Variants in RABGEF1 observed in about 807,000 individuals in gnomAD.
RABGEF1 encodes RAB guanine nucleotide exchange factor 1.
A neutral mutation model predicts 57.3 loss-of-function variants in RABGEF1; 26 were observed. The observed-to-expected ratio is 0.45, with a 90% CI of 0.33 to 0.63. The LOEUF is 0.63. Among genes scored for constraint, RABGEF1 ranks in the 20% least tolerant of loss-of-function variants. The probability of loss-of-function intolerance (pLI) is 0.02; values close to 1 mark genes in which losing one functional copy is unlikely to be tolerated. For missense variants in RABGEF1, 464 were observed against 607.6 expected (o/e 0.76, Z 2.48); for synonymous variants, 185 against 210.7 (o/e 0.88, Z 1.06).
chr7:66,713,338 C>T (rs4717315), intron 2 of RABGEF1, among the ~76,000 whole-genome samples: 51,461 of 151,458 alleles, frequency 0.34, 9,134 homozygotes, highest in Middle Eastern at 0.49. Flanking sequence ...AGATGGGTTT[C>T]GCTGTGGTCT....
At chr7:66,680,504 A>G (rs1401809713), upstream of RABGEF1, among the ~76,000 whole-genome samples, 1 of 152,046 alleles carries the variant, frequency 6.6e-6, no homozygotes, top group Non-Finnish European at 1.5e-5. Flanking sequence ...TCTGCCTCCC[A>G]AAGTGCTGGG....
chr7:66,660,810 AT>A, the RABGEF1 span, among the ~76,000 whole-genome samples: 1 of 152,248 alleles, frequency 6.6e-6, no homozygotes, highest in Non-Finnish European at 1.5e-5. Context: ...AGAGGAGGAA[AT>A]ACTTTCTAAC....
chr7:66,751,958 AAGCCAAGGTGGGAGGCTCACTTG>A (rs756571410), intron 1 of RABGEF1, among the ~76,000 whole-genome samples: 149 of 152,174 alleles, frequency 9.8e-4, no homozygotes, highest in Non-Finnish European at 1.7e-3. Context: ...GCACTTTGGG[AAGCCAAGGTGGGAGGCTCACTTG>A]AGCCCAGGAC....
chr7:66,732,361 G>A (rs1474080768), intron 2 of RABGEF1, among the ~76,000 whole-genome samples: 2 of 152,226 alleles, frequency 1.3e-5, no homozygotes, highest in Non-Finnish European at 2.9e-5. Flanking sequence ...TCTGGGCTTG[G>A]CTCCCCTGCT....
intron 1 of RABGEF1, among the ~76,000 whole-genome samples, chr7:66,742,462 A>G (rs537647588): frequency 4.7e-3 from 716 of 152,276 alleles, no homozygotes; most frequent in Non-Finnish European, 7.8e-3. Context: ...CATTTAGGCC[A>G]TGCTGTTGGG....
intron 2 of RABGEF1, among the ~76,000 whole-genome samples, chr7:66,727,088 A>T (rs1024743644): frequency 3.6e-4 from 55 of 152,226 alleles, no homozygotes; most frequent in African/African-American, 1.3e-3. Context: ...TGAATGGTAC[A>T]CTTTAAATGG....
chr7:66,659,752 C>G, the RABGEF1 span, among the ~76,000 whole-genome samples: 1 of 151,382 alleles, frequency 6.6e-6, no homozygotes, highest in East Asian at 1.9e-4. Context: ...GCATACCAGC[C>G]TGCACGACAG....
chr7:66,738,731 C>CAAA (rs546724986), upstream of RABGEF1, among the ~76,000 whole-genome samples: 26,698 of 94,304 alleles, frequency 0.28, 3,519 homozygotes, highest in Non-Finnish European at 0.36. Context: ...GACTCTAACT[C>CAAA]AAAAAAAAAA....
intron 3 of RABGEF1, among the ~76,000 whole-genome samples, chr7:66,776,131 G>A (rs542201056): frequency 1.3e-5 from 2 of 152,136 alleles, no homozygotes; most frequent in Admixed American, 1.3e-4. Context: ...TCAGAGTTAT[G>A]CAGTCAAAGC....
Position 66,797,388 on chromosome 7 carries a change from G to A in RABGEF1, c.610G>A (p.Val204Ile), listed in dbSNP as rs1420830513. ...GGTTATTTCAGTGCCTCCAGAAAGA[G>A]TCGAGAAGATAATGGATCAGATTGA... ...QTRGKVPPERVEKIMDQIEKY... is the reference protein window; with the variant it reads ...QTRGKVPPERIEKIMDQIEKY... Residue 204 changes from valine to isoleucine, a missense_variant, in exon 6 of 9, where the codon GTC becomes ATC. Val to Ile is a conservative substitution (Grantham distance 29, BLOSUM62 3). Transcript: ENST00000284957. 3 of 1,609,802 alleles carry A rather than the reference G, an allele frequency of 1.9e-6. No homozygotes were observed. Among genetic ancestry groups the A allele is most frequent in the African/African-American group, 1.3e-5 (1 of 74,766 alleles).
intron 1 of RABGEF1, among the ~76,000 whole-genome samples, chr7:66,760,958 C>T (rs868250010): frequency 6.6e-6 from 1 of 152,084 alleles, no homozygotes; most frequent in Non-Finnish European, 1.5e-5. Context: ...ATTTATTAAG[C>T]GTTTAGTACG....
intron 7 of RABGEF1, among the ~76,000 whole-genome samples, chr7:66,800,729 G>A (rs2129181634): frequency 6.6e-6 from 1 of 152,328 alleles, no homozygotes; most frequent in Non-Finnish European, 1.5e-5. Context: ...TTCTATGAGA[G>A]TTTTGTCCAA....
At chr7:66,660,031 A>G in the RABGEF1 span, among the ~76,000 whole-genome samples, 3 of 152,060 alleles carry the variant, frequency 2.0e-5, no homozygotes, top group Non-Finnish European at 4.4e-5. Context: ...AGAAGACTCA[A>G]ATATCCAAAA....
intron 4 of RABGEF1, 149 bp downstream of exon 4, chr7:66,783,990 A>G (rs1279036457): frequency 1.3e-5 from 10 of 754,216 alleles, no homozygotes; most frequent in Non-Finnish European, 2.0e-5. Context: ...CCTCTGAATC[A>G]AGCTAAAACC....
chr7:66,711,880 C>A (rs1422409341), intron 1 of RABGEF1, among the ~76,000 whole-genome samples: 1 of 152,148 alleles, frequency 6.6e-6, no homozygotes, highest in Admixed American at 6.6e-5. Context: ...GCCACTGCAC[C>A]CGGACTGTAT....
chr7:66,713,113 C>G (rs986123420), intron 2 of RABGEF1, among the ~76,000 whole-genome samples: 9 of 151,678 alleles, frequency 5.9e-5, no homozygotes, highest in African/African-American at 2.2e-4. Context: ...CCACACCCAG[C>G]CCTTGGGATT....
intron 2 of RABGEF1, among the ~76,000 whole-genome samples, chr7:66,723,166 A>G (rs958421836): frequency 2.6e-5 from 4 of 151,986 alleles, no homozygotes; most frequent in African/African-American, 9.7e-5. Context: ...ACGGGGTTTC[A>G]CCATGTTGGC....
chr7:66,765,195 G>T lies in RABGEF1; in HGVS notation c.-17-6688G>T, dbSNP rs528586907. ...AGGTTGGAGAGGGATATAGGAAAGG[G>T]AGTTTCAGAAATATTACATAGTTTG... is the stretch of plus-strand genomic sequence containing the variant. On this transcript the variant is annotated intron_variant, in intron 1 of 8. Transcript: ENST00000284957. Among the ~76,000 whole-genome samples, 75 of 151,108 alleles carry T rather than the reference G, an allele frequency of 5.0e-4. 1 individual carries two copies. In the South Asian group the frequency reaches 0.011, roughly 22 times the overall value.
chr7:66,770,920 G>A (rs1806951394), intron 1 of RABGEF1, among the ~76,000 whole-genome samples: 1 of 152,128 alleles, frequency 6.6e-6, no homozygotes, highest in Admixed American at 6.5e-5. Flanking sequence ...TGTCTTTGGA[G>A]AATTGTTTAT....
Sources: gnomAD v4.1 joint callset for allele counts (sites outside exome capture counted in the v4.1 genomes callset) on GRCh38, gnomAD v4.1.1 for gene constraint, MANE v1.5 for transcripts, NCBI Gene and HGNC (gene_info 2026-07-23, HGNC 2026-07-21) for gene names.